The following HSPA9 variants were observed in gnomAD, a reference collection of about 807,000 sequenced individuals.
HSPA9 encodes stress-70 protein, mitochondrial.
A neutral mutation model predicts 81.5 loss-of-function variants in HSPA9; 28 were observed. The observed-to-expected ratio is 0.34, with a 90% confidence interval of 0.25 to 0.47. The LOEUF is 0.47. HSPA9 is among the 20% of genes least tolerant of loss of function. HSPA9 has a pLI of 1.00. For synonymous variants in HSPA9, 293 were observed against 290.4 expected (o/e 1.01, Z -0.09); for missense variants, 678 against 838.0 (o/e 0.81, Z 2.36).
rs1443392594 is a variant in HSPA9 at position 138,557,940 on chromosome 5, G to A, written c.1562C>T (p.Thr521Ile). ...TATCCCATTGGCATCAATGTCAAAT[G>A]TAACTTCAATCTGAGGAACTCCACG... is the stretch of plus-strand genomic sequence containing the variant. ...APRGVPQIEVTFDIDANGIVH... is the reference protein window; with the variant it reads ...APRGVPQIEVIFDIDANGIVH... The change falls in exon 13 of 17, where the codon ACA (threonine) becomes ATA (isoleucine). Residue 521 changes from threonine to isoleucine, a missense_variant. Around this residue, in one of 4 missense-constraint regions of HSPA9, gnomAD observed 484 missense variants for 647.5 expected, o/e 0.75. Transcript: ENST00000297185. 2.5e-6 allele frequency: 4 copies of A among 1,611,850 alleles called. No individual in the cohort carries two copies. Among genetic ancestry groups the A allele is most frequent in the African/African-American group, 2.7e-5 (2 of 74,840 alleles).
intron 11 of HSPA9, 75 bp downstream of exon 11, chr5:138,559,789 C>A: frequency 1.0e-6 from 1 of 985,760 alleles, no homozygotes; most frequent in Non-Finnish European, 1.6e-6. Flanking sequence ...AGAAAAAACT[C>A]ATGAAAGTGG....
chr5:138,559,778 T>A, intron 11 of HSPA9, 86 bp downstream of exon 11: 1 of 889,672 alleles, frequency 1.1e-6, no homozygotes. Context: ...TGAAGTTTTC[T>A]AGAAAAAACT....
At chr5:138,557,044 T>C (rs1750542713) in intron 14 of HSPA9, 178 bp from the exon 15 acceptor site, 1 of 652,752 alleles carries the variant, frequency 1.5e-6, no homozygotes, top group Admixed American at 2.4e-5. Flanking sequence ...TTGGGCTAGA[T>C]TTTGTAACAT....
intron 9 of HSPA9, among the ~76,000 whole-genome samples, chr5:138,565,639 A>G (rs1338534967): frequency 1.3e-5 from 2 of 152,208 alleles, no homozygotes; most frequent in Non-Finnish European, 2.9e-5. Flanking sequence ...CCAAACTGAC[A>G]AAGAGGCTGT....
intron 5 of HSPA9, among the ~76,000 whole-genome samples, 190 bp downstream of exon 5, chr5:138,568,735 A>G (rs767457004): frequency 3.3e-5 from 5 of 152,224 alleles, no homozygotes; most frequent in Non-Finnish European, 5.9e-5. Flanking sequence ...GCCAGCCACC[A>G]TTAGTGAGAT....
chr5:138,556,608 C>T lies in HSPA9; in HGVS notation c.1822-16G>A. 1 of 1,613,318 alleles carries T rather than the reference C, an allele frequency of 6.2e-7. No homozygotes were observed. Among genetic ancestry groups the T allele is most frequent in the Non-Finnish European group, 8.5e-7 (1 of 1,179,718 alleles). On this transcript the variant is annotated splice_polypyrimidine_tract_variant and intron_variant, in intron 15 of 16. Transcript: ENST00000297185. ...GCTTGTTGCACTTAAAAAAAGAAAACAAAAATCCTTACTTTTCCAGGTCTC... is the reference window on the plus strand; with the variant it reads ...GCTTGTTGCACTTAAAAAAAGAAAATAAAAATCCTTACTTTTCCAGGTCTC...
At chr5:138,566,799 C>T (rs1165345914) in intron 8 of HSPA9, 81 bp from the exon 9 acceptor site, 1 of 1,194,062 alleles carries the variant, frequency 8.4e-7, no homozygotes, top group Non-Finnish European at 1.3e-6. Flanking sequence ...TGGAACAACA[C>T]AAAATGGAGT....
intron 5 of HSPA9, among the ~76,000 whole-genome samples, chr5:138,567,997 C>A (rs1204424895): frequency 6.6e-6 from 1 of 150,876 alleles, no homozygotes; most frequent in African/African-American, 2.4e-5. Flanking sequence ...ACCAGCCTAA[C>A]CAATATGGAG....
At chr5:138,565,671 G>A (rs979646149) in intron 9 of HSPA9, among the ~76,000 whole-genome samples, 4 of 152,070 alleles carry the variant, frequency 2.6e-5, no homozygotes, top group Admixed American at 2.0e-4. Context: ...GCTCACAGAC[G>A]GAAACTTGCA....
At chr5:138,567,603 C>CAA in intron 6 of HSPA9, 42 bp from the exon 7 acceptor site, 1 of 1,608,250 alleles carries the variant, frequency 6.2e-7, no homozygotes, top group Middle Eastern at 1.7e-4. Context: ...ACCCTTCCAT[C>CAA]CCAGGCACCT....
chr5:138,558,716 G>GA (rs1750588384), intron 11 of HSPA9, 59 bp from the exon 12 acceptor site: 2 of 1,068,218 alleles, frequency 1.9e-6, no homozygotes, highest in Admixed American at 1.7e-5. Context: ...CATTTCTATA[G>GA]AAAAAATGAA....
chr5:138,575,216 C>A, intron 1 of HSPA9, 22 bp downstream of exon 1: 1 of 1,570,124 alleles, frequency 6.4e-7, no homozygotes, highest in Non-Finnish European at 8.7e-7. Flanking sequence ...TGACCCCATT[C>A]GGGAAGGTCC....
intron 9 of HSPA9, among the ~76,000 whole-genome samples, chr5:138,562,241 ATAGT>A (rs1750677381): frequency 6.7e-6 from 1 of 149,716 alleles, no homozygotes; most frequent in Admixed American, 6.6e-5. Context: ...CCGGCCAAGA[ATAGT>A]TACTCTTTAA....
intron 15 of HSPA9, 23 bp from the exon 16 acceptor site, chr5:138,556,615 C>G: frequency 6.2e-7 from 1 of 1,613,260 alleles, no homozygotes; most frequent in Middle Eastern, 1.7e-4. Flanking sequence ...AAACAAAAAT[C>G]CTTACTTTTC....
chr5:138,557,444 A>C lies in HSPA9; in HGVS notation c.1686T>G (p.Val562=). ...GLSKDDIENM[V]KNAEKYAEED... is the part of the protein sequence containing the mutation. ...CTTCAGCATATTTCTCTGCATTTTT[A>C]ACCATATTTTCAATATCATCTTTGC... The change falls in exon 14 of 17, where the codon GTT becomes GTG. Residue 562 remains valine, a synonymous_variant. Transcript: ENST00000297185. The C allele has an allele frequency of 6.2e-7, 1 of 1,611,352 alleles. No individual in the cohort carries two copies. The highest frequency in any genetic ancestry group is 2.2e-5 in the East Asian group (1 of 44,884).
chr5:138,570,636 C>A (rs1750862303), intron 4 of HSPA9, among the ~76,000 whole-genome samples: 1 of 152,230 alleles, frequency 6.6e-6, no homozygotes, highest in South Asian at 2.1e-4. Flanking sequence ...CAGGCACCCA[C>A]CATCATGCAC....
In HSPA9 at chr5:138,573,594, C is replaced by T. The variant is rs189981028; in HGVS notation, c.228+169G>A. 3.4e-4 allele frequency among the ~76,000 whole-genome samples: 42 copies of T among 123,280 alleles called. No homozygotes were observed. In the East Asian group the frequency reaches 9.4e-3, roughly 28 times the overall value. 80.9% of individuals were successfully genotyped at this position (123,280 alleles called of 152,430 possible). On this transcript the variant is annotated intron_variant, in intron 3 of 16. Coordinates refer to ENST00000297185, the MANE Select transcript of HSPA9 (RefSeq NM_004134.7). ...CCCAGGAGGCAGAGGTTGCAGTGAG[C>T]GGAGACCGTGCCACTGCACTCCACC...
chr5:138,562,492 G>A (rs544655097), intron 9 of HSPA9, among the ~76,000 whole-genome samples: 56 of 151,676 alleles, frequency 3.7e-4, no homozygotes, highest in Non-Finnish European at 5.2e-4. Context: ...TGGAGGTTGC[G>A]GTGAGCCGAG....
intron 11 of HSPA9, chr5:138,558,893 G>C (rs1750591556): frequency 1.9e-5 from 9 of 468,232 alleles, no homozygotes; most frequent in South Asian, 1.9e-4. Context: ...GCAGCATTAG[G>C]ACAGAAGTCC....
Sources: gnomAD v4.1 joint callset for allele counts (sites outside exome capture counted in the v4.1 genomes callset) on GRCh38, gnomAD v4.1.1 for gene constraint, gnomAD v4.1.1 regional missense constraint, MANE v1.5 for transcripts, NCBI Gene and HGNC (gene_info 2026-07-23, HGNC 2026-07-21) for gene names.